Variants in RBM20 observed in about 807,000 individuals in gnomAD.
RBM20 encodes RNA-binding protein 20.
Under a neutral mutation model 110.1 loss-of-function variants are expected in RBM20, and 51 were observed. The observed-to-expected ratio is 0.46, with a 90% confidence interval of 0.37 to 0.59. RBM20 has a LOEUF of 0.59. RBM20 is among the 20% of genes least tolerant of loss of function. The pLI, the probability that RBM20 is intolerant of heterozygous loss-of-function variation, is 0.00. For synonymous variants in RBM20, 589 were observed against 618.2 expected (o/e 0.95, Z 0.70); for missense variants, 1,512 against 1,574.9 (o/e 0.96, Z 0.68).
chr10:110,652,706 G>A (rs2134808246), intron 1 of RBM20, among the ~76,000 whole-genome samples: 1 of 152,256 alleles, frequency 6.6e-6, no homozygotes, highest in African/African-American at 2.4e-5. Context: ...ACACAGCGAG[G>A]GAGTCATCAG....
At position 110,758,218 on chromosome 10, in the gene RBM20, A is replaced by T. The variant is rs188741097; in HGVS notation, c.192-22583A>T. 6.6e-5 allele frequency among the ~76,000 whole-genome samples: 10 copies of T among 151,660 alleles called. No homozygotes were observed. The East Asian group carries it at 1.9e-3, about 29-fold the overall frequency. On this transcript the variant is annotated intron_variant, in intron 1 of 13. Coordinates refer to ENST00000369519, the MANE Select transcript of RBM20 (RefSeq NM_001134363.3). The stretch of plus-strand genomic sequence containing the variant: ...ATTTTTTGTAGAGATGGGTTATACC[A>T]TGTTGCCCAGGCTGATCTCAAACTC...
Position 110,646,537 on chromosome 10 carries a change from C to T in RBM20, c.191+1892C>T, listed in dbSNP as rs139047013. Among the ~76,000 whole-genome samples, 38 of 152,318 alleles carry T rather than the reference C, an allele frequency of 2.5e-4. No homozygotes were observed. In the East Asian group the frequency reaches 6.0e-3, roughly 24 times the overall value. ...TGGTGACGGATCAGTGTTCAGGGACCAGGTCCCAGGGCTGTGAATGTGCCC... is the reference window on the plus strand; with the variant it reads ...TGGTGACGGATCAGTGTTCAGGGACTAGGTCCCAGGGCTGTGAATGTGCCC... On this transcript the variant is annotated intron_variant, in intron 1 of 13. Coordinates refer to ENST00000369519, the MANE Select transcript of RBM20 (RefSeq NM_001134363.3).
chr10:110,784,647 CA>C, intron 4 of RBM20, 144 bp from the exon 5 acceptor site: 1 of 707,898 alleles, frequency 1.4e-6, no homozygotes, highest in Non-Finnish European at 2.5e-6. Flanking sequence ...TGCTGATTAT[CA>C]GCATGTCCAG....
At chr10:110,830,968 T>C in intron 12 of RBM20, 93 bp from the exon 13 acceptor site, 1 of 1,286,292 alleles carries the variant, frequency 7.8e-7, no homozygotes, top group Non-Finnish European at 1.1e-6. Flanking sequence ...GTGGAGCTCG[T>C]GGCTCCCATT....
intron 8 of RBM20, among the ~76,000 whole-genome samples, chr10:110,811,110 G>T (rs1844762474): frequency 6.6e-6 from 1 of 152,170 alleles, no homozygotes; most frequent in Non-Finnish European, 1.5e-5. Flanking sequence ...GTAGAAAACT[G>T]CAGGAGCAGG....
At chr10:110,662,977 T>C (rs1296671169) in intron 1 of RBM20, among the ~76,000 whole-genome samples, 3 of 152,156 alleles carry the variant, frequency 2.0e-5, no homozygotes, top group Admixed American at 6.5e-5. Flanking sequence ...TCTTTCTTTT[T>C]TTTTTAAGAC....
intron 5 of RBM20, among the ~76,000 whole-genome samples, chr10:110,786,337 G>C (rs553464383): frequency 6.6e-6 from 1 of 152,208 alleles, no homozygotes; most frequent in Non-Finnish European, 1.5e-5. Flanking sequence ...ATGTCTCCAC[G>C]TGCTGTCCCC....
In RBM20 at chr10:110,753,515, G is replaced by A. The variant is rs144321302; in HGVS notation, c.192-27286G>A. ...TTCCATCTGGGATCACTTTCTTTCTGCCTGAAATGTAATCTTTAGAATTTC... is the reference window on the plus strand; with the variant it reads ...TTCCATCTGGGATCACTTTCTTTCTACCTGAAATGTAATCTTTAGAATTTC... On this transcript the variant is annotated intron_variant, in intron 1 of 13. Coordinates refer to ENST00000369519, the MANE Select transcript of RBM20 (RefSeq NM_001134363.3). 2.1e-4 allele frequency among the ~76,000 whole-genome samples: 32 copies of A among 152,136 alleles called. No homozygotes were observed. The East Asian group carries it at 6.0e-3, about 28-fold the overall frequency.
chr10:110,650,686 A>T (rs773992562), intron 1 of RBM20, among the ~76,000 whole-genome samples: 1 of 151,844 alleles, frequency 6.6e-6, no homozygotes, highest in Non-Finnish European at 1.5e-5. Flanking sequence ...ACCACTTCCC[A>T]CTCTGACCCA....
chr10:110,710,785 AAGG>A (rs1180285501), intron 1 of RBM20, among the ~76,000 whole-genome samples: 2 of 152,136 alleles, frequency 1.3e-5, no homozygotes, highest in Non-Finnish European at 2.9e-5. Context: ...GGCACAGGAG[AAGG>A]AGAAGTGAGG....
At chr10:110,690,642 A>T (rs1375247561) in intron 1 of RBM20, among the ~76,000 whole-genome samples, 1 of 152,056 alleles carries the variant, frequency 6.6e-6, no homozygotes, top group Admixed American at 6.5e-5. Flanking sequence ...ACCATACAAT[A>T]TTTGTCCTTT....
chr10:110,708,278 A>G (rs748150418), intron 1 of RBM20, among the ~76,000 whole-genome samples: 1 of 152,212 alleles, frequency 6.6e-6, no homozygotes, highest in Non-Finnish European at 1.5e-5. Flanking sequence ...CTGGTCCTAT[A>G]TATCAGCTAC....
intron 2 of RBM20, among the ~76,000 whole-genome samples, chr10:110,782,781 T>C (rs1844370917): frequency 6.9e-6 from 1 of 145,456 alleles, no homozygotes. Flanking sequence ...AGCATAATAA[T>C]GTCCTTGCAG....
chr10:110,749,098 C>A (rs773224298), intron 1 of RBM20, among the ~76,000 whole-genome samples: 2 of 152,182 alleles, frequency 1.3e-5, no homozygotes, highest in Non-Finnish European at 1.5e-5. Flanking sequence ...CAATTACAGT[C>A]AGAAATAAGA....
chr10:110,782,079 G>T (rs1321222810), intron 2 of RBM20, among the ~76,000 whole-genome samples, 195 bp downstream of exon 2: 1 of 152,228 alleles, frequency 6.6e-6, no homozygotes, highest in Non-Finnish European at 1.5e-5. Context: ...CCAGTCCCTT[G>T]CTTGAAGGTG....
intron 1 of RBM20, among the ~76,000 whole-genome samples, chr10:110,708,684 A>G (rs1286177630): frequency 6.6e-6 from 1 of 152,202 alleles, no homozygotes; most frequent in Non-Finnish European, 1.5e-5. Context: ...TCTGAGTTCA[A>G]GTTTTTACAA....
chr10:110,802,561 A>G (rs1187298215), intron 7 of RBM20, among the ~76,000 whole-genome samples: 2 of 152,328 alleles, frequency 1.3e-5, no homozygotes, highest in South Asian at 2.1e-4. Flanking sequence ...AGATGTTGTC[A>G]TAAGTTTCTA....
At chr10:110,698,755 C>A (rs1308947971) in intron 1 of RBM20, among the ~76,000 whole-genome samples, 2 of 152,224 alleles carry the variant, frequency 1.3e-5, no homozygotes, top group African/African-American at 4.8e-5. Context: ...TTGCTAAAGG[C>A]AACTCAATTG....
intron 1 of RBM20, among the ~76,000 whole-genome samples, chr10:110,738,500 C>A (rs921928165): frequency 2.6e-5 from 4 of 152,176 alleles, no homozygotes; most frequent in African/African-American, 9.7e-5. Flanking sequence ...CAGGCTGTTT[C>A]TCACGGCCCG....
Sources: allele counts gnomAD v4.1 joint callset (sites outside exome capture counted in the v4.1 genomes callset), GRCh38; gene constraint gnomAD v4.1.1; transcripts MANE v1.5; gene names NCBI Gene and HGNC (gene_info 2026-07-23, HGNC 2026-07-21).